PDS5B: variants seen among roughly 807,000 people sequenced by gnomAD.
The protein encoded by PDS5B is PDS5 cohesin associated factor B, also known as sister chromatid cohesion protein PDS5 homolog B.
Under a neutral mutation model 184.1 loss-of-function variants are expected in PDS5B, and 51 were observed. That is an observed-to-expected ratio of 0.28 (90% CI 0.22 to 0.35). The LOEUF is 0.35. PDS5B is among the 10% of genes least tolerant of loss of function. The probability of loss-of-function intolerance (pLI) is 1.00; values close to 1 mark genes in which losing one functional copy is unlikely to be tolerated. For missense variants in PDS5B, 1,180 were observed against 1,723.3 expected (o/e 0.68, Z 5.58); for synonymous variants, 566 against 569.2 (o/e 0.99, Z 0.08).
chr13:32,750,329 C>G (rs1953926131), intron 24 of PDS5B, among the ~76,000 whole-genome samples: 2 of 152,158 alleles, frequency 1.3e-5, no homozygotes, highest in South Asian at 4.1e-4. Context: ...ATGGCCTGTT[C>G]ATTTGTGAAT....
At chr13:32,705,639 G>A (rs1431489994) in intron 17 of PDS5B, among the ~76,000 whole-genome samples, 1 of 152,050 alleles carries the variant, frequency 6.6e-6, no homozygotes, top group Non-Finnish European at 1.5e-5. Context: ...ATACCCATCA[G>A]TATAAATGAT....
intron 24 of PDS5B, among the ~76,000 whole-genome samples, chr13:32,752,813 C>T (rs1464796425): frequency 6.6e-6 from 1 of 152,058 alleles, no homozygotes; most frequent in African/African-American, 2.4e-5. Context: ...TAATCCTTAC[C>T]TTCAGAGTTG....
intron 31 of PDS5B, among the ~76,000 whole-genome samples, chr13:32,765,841 A>T (rs1199069405): frequency 6.6e-6 from 1 of 152,216 alleles, no homozygotes; most frequent in Non-Finnish European, 1.5e-5. Flanking sequence ...ATGTCAGGTG[A>T]TCTGCCTGCC....
chr13:32,724,699 C>A (rs1159201158), intron 19 of PDS5B, among the ~76,000 whole-genome samples: 2 of 152,142 alleles, frequency 1.3e-5, no homozygotes, highest in African/African-American at 4.8e-5. Context: ...TCCCACCTAG[C>A]CTCCTAAGTA....
intron 24 of PDS5B, among the ~76,000 whole-genome samples, chr13:32,747,942 C>G (rs1953819626): frequency 6.6e-6 from 1 of 152,214 alleles, no homozygotes; most frequent in African/African-American, 2.4e-5. Context: ...AAAGCATCCA[C>G]AGTTACTGAC....
intron 2 of PDS5B, chr13:32,649,541 A>C (rs201084359): frequency 6.6e-6 from 1 of 152,310 alleles, no homozygotes; most frequent in African/African-American, 2.4e-5. Flanking sequence ...TCGAGGTTGT[A>C]TCTACCTAGA....
chr13:32,616,731 A>T (rs956587285), intron 1 of PDS5B, among the ~76,000 whole-genome samples: 1 of 152,270 alleles, frequency 6.6e-6, no homozygotes, highest in African/African-American at 2.4e-5. Flanking sequence ...TTAAAAAAAA[A>T]TTTGTTTAAG....
chr13:32,619,649 GT>G (rs772681056), intron 1 of PDS5B, among the ~76,000 whole-genome samples: 38 of 152,078 alleles, frequency 2.5e-4, no homozygotes, highest in Admixed American at 1.8e-3. Context: ...TATCATGATG[GT>G]TTATGATGTC....
At chr13:32,649,917 G>A (rs1333270277) in intron 2 of PDS5B, 1 of 151,992 alleles carries the variant, frequency 6.6e-6, no homozygotes, top group African/African-American at 2.4e-5. Context: ...TATATGACAT[G>A]TTTCATTTTC....
At chr13:32,636,515 A>C (rs1181163079) in intron 1 of PDS5B, among the ~76,000 whole-genome samples, 1 of 152,228 alleles carries the variant, frequency 6.6e-6, no homozygotes, top group East Asian at 1.9e-4. Context: ...CCATTAGGTT[A>C]AGGGCATAGG....
chr13:32,733,985 A>AACACACAC (rs148714647), intron 20 of PDS5B, among the ~76,000 whole-genome samples: 2,727 of 142,022 alleles, frequency 0.019, 31 homozygotes, highest in African/African-American at 0.041. Context: ...CAAAAATTAA[A>AACACACAC]ACACACACAC....
At chr13:32,759,276 G>A (rs181719797) in intron 28 of PDS5B, among the ~76,000 whole-genome samples, 3 of 152,292 alleles carry the variant, frequency 2.0e-5, no homozygotes, top group Admixed American at 6.5e-5. Context: ...ATTTGGAACA[G>A]GCCTGTAGGA....
rs755156362 is a variant in PDS5B at position 32,753,443 on chromosome 13, C to A, written c.2848C>A (p.Pro950Thr). Reference sequence around the variant, plus strand: ...AATCTGTGCCCTTTGTGCAAAAGATCCTGTAAAGGAGAGAAGAGCTCATGC... The same window carrying A: ...AATCTGTGCCCTTTGTGCAAAAGATACTGTAAAGGAGAGAAGAGCTCATGC... ...MAICALCAKD[P>T]VKERRAHARQ... The change falls in exon 25 of 35, where the codon CCT (proline) becomes ACT (threonine). Residue 950 changes from proline to threonine, a missense_variant. Pro to Thr is a conservative substitution (Grantham distance 38). Coordinates refer to ENST00000315596, the MANE Select transcript of PDS5B (RefSeq NM_015032.4). 1.2e-6 allele frequency: 2 copies of A among 1,613,642 alleles called. No homozygotes were observed. Among genetic ancestry groups the A allele is most frequent in the Admixed American group, 1.7e-5 (1 of 59,994 alleles).
At chr13:32,704,466 G>A (rs1037284940) in intron 17 of PDS5B, among the ~76,000 whole-genome samples, 15 of 152,210 alleles carry the variant, frequency 9.9e-5, no homozygotes, top group Non-Finnish European at 1.9e-4. Flanking sequence ...ACTGTGCCCC[G>A]GCCTTGACCC....
intron 19 of PDS5B, among the ~76,000 whole-genome samples, chr13:32,720,027 G>A (rs1366942361): frequency 6.6e-6 from 1 of 152,140 alleles, no homozygotes; most frequent in East Asian, 1.9e-4. Flanking sequence ...CTGTCTCCTG[G>A]CCTTAAGTAA....
In PDS5B at chr13:32,775,199, A is replaced by G. The variant is rs1954919312; in HGVS notation, c.*147A>G. On this transcript the variant is annotated 3_prime_UTR_variant, in exon 35 of 35. Transcript: ENST00000315596. ...AGTTGGACCTTACTTTGGTGACCCC[A>G]TACATTTGTGGTCACATGCTTTAGC... The G allele has an allele frequency of 1.3e-5, 9 of 673,638 alleles. No individual in the cohort carries two copies. Among genetic ancestry groups the G allele is most frequent in the Non-Finnish European group, 1.3e-5 (5 of 395,836 alleles). The allele number at this position is 673,638 out of a possible 1,614,324, so 41.7% of individuals were successfully genotyped here.
intron 6 of PDS5B, among the ~76,000 whole-genome samples, chr13:32,661,376 ACT>A (rs1449297015): frequency 1.8e-5 from 2 of 112,760 alleles, no homozygotes; most frequent in Admixed American, 1.2e-4. Flanking sequence ...ACAGAGTGAG[ACT>A]CTGTCTCAAA....
chr13:32,594,046 G>A (rs1435050922), intron 1 of PDS5B, among the ~76,000 whole-genome samples: 3 of 152,098 alleles, frequency 2.0e-5, no homozygotes, highest in South Asian at 2.1e-4. Context: ...TAATTACCCC[G>A]ATTTGATCAT....
intron 19 of PDS5B, among the ~76,000 whole-genome samples, chr13:32,718,894 A>G (rs1411843453): frequency 6.6e-6 from 1 of 152,254 alleles, no homozygotes; most frequent in Non-Finnish European, 1.5e-5. Flanking sequence ...GGATGGGGGG[A>G]TATAATACTT....
Sources: gnomAD v4.1 joint callset for allele counts (sites outside exome capture counted in the v4.1 genomes callset) on GRCh38, gnomAD v4.1.1 for gene constraint, MANE v1.5 for transcripts, NCBI Gene and HGNC (gene_info 2026-07-23, HGNC 2026-07-21) for gene names.